The following TANC2 variants were observed in gnomAD, a reference collection of about 807,000 sequenced individuals.
TANC2 encodes tetratricopeptide repeat, ankyrin repeat and coiled-coil containing 2.
In TANC2, 26 loss-of-function variants were observed where a neutral mutation model predicts 210.5. That is an observed-to-expected ratio of 0.12 (90% CI 0.09 to 0.17). The LOEUF (loss-of-function observed/expected upper bound fraction) is 0.17, where lower values mean the gene tolerates loss of function less well. TANC2 is among the 10% of genes least tolerant of loss of function. The pLI is 1.00. For missense variants in TANC2, 2,129 were observed against 2,608.9 expected (o/e 0.82, Z 4.01); for synonymous variants, 931 against 967.1 (o/e 0.96, Z 0.69).
At chr17:63,032,313 G>T (rs2034803747) in intron 2 of TANC2, among the ~76,000 whole-genome samples, 1 of 152,106 alleles carries the variant, frequency 6.6e-6, no homozygotes, top group East Asian at 1.9e-4. Flanking sequence ...TTACACTTTG[G>T]ACTAGGGTGT....
Position 63,418,384 on chromosome 17 carries a change from A to C in TANC2, c.4245A>C (p.Arg1415Ser), listed in dbSNP as rs1293608116. Residue 1415 changes from arginine (R) to serine (S), a missense_variant, in exon 27 of 28, where the codon AGA becomes AGC. Around this residue, in one of 5 missense-constraint regions of TANC2, gnomAD observed 644 missense variants for 937.5 expected, o/e 0.69. Transcript: ENST00000689528. This position sits in a 1 kb window ranked among gnomAD's most constrained non-coding sequence, Gnocchi z 4.6. ...AATCTTATGAAGCTTACTATGCGAG[A>C]GCAAGGGCAAAACGCAGCAGCAGGT... 6.2e-7 allele frequency: 1 copy of C among 1,612,564 alleles called. No homozygotes were observed. Among genetic ancestry groups the C allele is most frequent in the East Asian group, 2.2e-5 (1 of 44,880 alleles).
chr17:63,364,068 T>A (rs1334745600), intron 14 of TANC2, among the ~76,000 whole-genome samples: 1 of 152,236 alleles, frequency 6.6e-6, no homozygotes, highest in Non-Finnish European at 1.5e-5. Flanking sequence ...TTTCCTATTA[T>A]CCACTTTCTA....
intron 5 of TANC2, among the ~76,000 whole-genome samples, chr17:63,180,996 C>T (rs1350988822): frequency 7.6e-6 from 1 of 131,936 alleles, no homozygotes; most frequent in Non-Finnish European, 1.5e-5. Flanking sequence ...TGCACTCCAG[C>T]CTGGGTGACA....
intron 12 of TANC2, among the ~76,000 whole-genome samples, chr17:63,350,307 C>CT (rs377591283): frequency 6.6e-4 from 101 of 152,306 alleles, no homozygotes; most frequent in African/African-American, 2.4e-3. Context: ...CCTCTTCCCT[C>CT]TGCTTTCCCC....
At chr17:63,126,915 T>A (rs1447958626) in intron 4 of TANC2, among the ~76,000 whole-genome samples, 1 of 152,182 alleles carries the variant, frequency 6.6e-6, no homozygotes, top group Non-Finnish European at 1.5e-5. Context: ...ATAGCTCTCT[T>A]CATGCTGATT....
intron 7 of TANC2, among the ~76,000 whole-genome samples, chr17:63,203,327 T>C (rs1214384414): frequency 6.6e-6 from 1 of 152,210 alleles, no homozygotes; most frequent in Non-Finnish European, 1.5e-5. Flanking sequence ...TTACAGTCTT[T>C]ATCCTACTAA....
intron 11 of TANC2, 147 bp downstream of exon 11, chr17:63,319,237 C>A: frequency 1.1e-6 from 1 of 876,816 alleles, no homozygotes; most frequent in Non-Finnish European, 1.7e-6. Context: ...CTTTGATATT[C>A]CTAGAAAAAT....
chr17:63,236,047 G>A (rs1475458153), intron 7 of TANC2, among the ~76,000 whole-genome samples: 1 of 151,882 alleles, frequency 6.6e-6, no homozygotes, highest in African/African-American at 2.4e-5. Flanking sequence ...ATTTGGGCAG[G>A]TTCTGTCTCT....
chr17:63,072,953 CAAT>C (rs1270568737), intron 2 of TANC2, among the ~76,000 whole-genome samples: 1 of 152,018 alleles, frequency 6.6e-6, no homozygotes, highest in African/African-American at 2.4e-5. Context: ...CTATTAAAAA[CAAT>C]AAACCATAGA....
chr17:63,175,772 G>C (rs1331475351), intron 5 of TANC2, among the ~76,000 whole-genome samples: 1 of 152,142 alleles, frequency 6.6e-6, no homozygotes, highest in Non-Finnish European at 1.5e-5. Flanking sequence ...ACATATACCT[G>C]ACACCCTTGA....
At chr17:63,195,269 A>G (rs1278280866) in intron 6 of TANC2, among the ~76,000 whole-genome samples, 1 of 152,096 alleles carries the variant, frequency 6.6e-6, no homozygotes, top group Non-Finnish European at 1.5e-5. Flanking sequence ...TATATTTTCT[A>G]CCTAATGTTT....
chr17:63,053,001 A>G (rs2035636425), intron 2 of TANC2, among the ~76,000 whole-genome samples: 2 of 152,212 alleles, frequency 1.3e-5, no homozygotes, highest in Admixed American at 1.3e-4. Flanking sequence ...TTTGGCTCGC[A>G]AGAGTGTGCT....
At chr17:63,388,966 T>C (rs1335511071) in intron 16 of TANC2, among the ~76,000 whole-genome samples, 2 of 152,226 alleles carry the variant, frequency 1.3e-5, no homozygotes, top group African/African-American at 4.8e-5. Context: ...AAGCTGACTC[T>C]GACATATGGG....
intron 2 of TANC2, among the ~76,000 whole-genome samples, chr17:63,044,315 G>A (rs1411118463): frequency 6.6e-6 from 1 of 152,042 alleles, no homozygotes; most frequent in Non-Finnish European, 1.5e-5. Flanking sequence ...ATCCATGAAC[G>A]ATTTTTGTTT....
At chr17:63,038,357 C>A (rs987104123) in intron 2 of TANC2, among the ~76,000 whole-genome samples, 2 of 152,100 alleles carry the variant, frequency 1.3e-5, no homozygotes, top group African/African-American at 4.8e-5. Flanking sequence ...CTAGCATTTC[C>A]AGGATAAACC....
chr17:63,273,903 C>G (rs898759676), intron 9 of TANC2, among the ~76,000 whole-genome samples: 1 of 152,190 alleles, frequency 6.6e-6, no homozygotes, highest in East Asian at 1.9e-4. Context: ...TTAAACCTTG[C>G]AGGTGATTTT....
chr17:63,155,170 C>T (rs1389986318), intron 5 of TANC2: 1 of 151,722 alleles, frequency 6.6e-6, no homozygotes, highest in Non-Finnish European at 1.5e-5. Context: ...TCTCTTCCAC[C>T]TACTAGCTGT....
intron 21 of TANC2, among the ~76,000 whole-genome samples, chr17:63,408,492 A>C (rs1196476744): frequency 1.3e-5 from 2 of 152,086 alleles, no homozygotes; most frequent in Non-Finnish European, 2.9e-5. Flanking sequence ...TTCTTATCCT[A>C]CTCTTTCCTC....
At chr17:63,083,178 T>C (rs1037305753) in intron 3 of TANC2, among the ~76,000 whole-genome samples, 4 of 152,206 alleles carry the variant, frequency 2.6e-5, no homozygotes, top group Non-Finnish European at 4.4e-5. Context: ...ATGGGGCTGC[T>C]GTGCTGTTGT....
Sources: gnomAD v4.1 joint callset for allele counts (sites outside exome capture counted in the v4.1 genomes callset) on GRCh38, gnomAD v4.1.1 for gene constraint, gnomAD v4.1.1 regional missense constraint, Gnocchi (gnomAD v3.1) non-coding constraint, MANE v1.5 for transcripts, NCBI Gene and HGNC (gene_info 2026-07-23, HGNC 2026-07-21) for gene names.